TMEM9: variants seen among roughly 807,000 people sequenced by gnomAD.
TMEM9 encodes the protein transmembrane protein 9.
TMEM9 carries 13 observed loss-of-function variants against 22.8 expected under a neutral mutation model. The ratio of observed to expected loss-of-function variants is 0.57; its 90% confidence interval spans 0.37 to 0.91. The LOEUF (loss-of-function observed/expected upper bound fraction) is 0.91, where lower values mean the gene tolerates loss of function less well. Ranked by LOEUF, TMEM9 falls within the 40% of genes least tolerant of loss-of-function variation. The probability of loss-of-function intolerance (pLI) is 0.01; values close to 1 mark genes in which losing one functional copy is unlikely to be tolerated. For synonymous variants in TMEM9, 88 were observed against 93.0 expected (o/e 0.95, Z 0.31); for missense variants, 182 against 238.1 (o/e 0.76, Z 1.55).
intron 1 of TMEM9, among the ~76,000 whole-genome samples, chr1:201,162,966 G>A (rs1175341487): frequency 2.6e-5 from 4 of 152,114 alleles, no homozygotes; most frequent in South Asian, 2.1e-4. Context: ...AAGATTCAAC[G>A]TCACAGCCAT....
intron 2 of TMEM9, among the ~76,000 whole-genome samples, chr1:201,149,509 C>G (rs1665251637): frequency 6.6e-6 from 1 of 152,214 alleles, no homozygotes; most frequent in Non-Finnish European, 1.5e-5. Context: ...AATAACACAT[C>G]TCCTTGCCGG....
rs543733854 is a variant in TMEM9 at position 201,164,418 on chromosome 1, G to C, written c.-37+7072C>G. ...CTGCAAATCTACGACTGTCTCAAAAGTTAATTTTTTAAAAGCCTACCTGAA... is the reference window on the plus strand; with the variant it reads ...CTGCAAATCTACGACTGTCTCAAAACTTAATTTTTTAAAAGCCTACCTGAA... On this transcript the variant is annotated intron_variant, in intron 1 of 5. Transcript: ENST00000367333. 2.6e-5 allele frequency among the ~76,000 whole-genome samples: 4 copies of C among 152,232 alleles called. No homozygotes were observed. The East Asian group carries it at 5.8e-4, about 22-fold the overall frequency.
At chr1:201,170,763 A>T (rs1227291585) in intron 1 of TMEM9, among the ~76,000 whole-genome samples, 1 of 152,156 alleles carries the variant, frequency 6.6e-6, no homozygotes, top group African/African-American at 2.4e-5. Context: ...CCAAAGAGGG[A>T]TTCCTTTCAG....
intron 1 of TMEM9, among the ~76,000 whole-genome samples, chr1:201,168,967 CT>C (rs5780055): frequency 2.2e-4 from 28 of 128,560 alleles, no homozygotes; most frequent in African/African-American, 3.3e-4. Context: ...AATTATATTA[CT>C]TTTTTTTTTT....
rs957133531 is a variant in TMEM9 at position 201,154,006 on chromosome 1, G to T, written c.-83C>A. 2 of 1,497,064 alleles carry T rather than the reference G, an allele frequency of 1.3e-6. No homozygotes were observed. Among genetic ancestry groups the T allele is most frequent in the Admixed American group, 4.1e-5 (2 of 49,238 alleles). 92.7% of individuals were successfully genotyped at this position (1,497,064 alleles called of 1,614,324 possible). The stretch of plus-strand genomic sequence containing the variant: ...CGGAGAAGGGGAAGGTGGCCACACC[G>T]CAGCCAGCACGCTAGGCCCTTAACC... On this transcript the variant is annotated 5_prime_UTR_variant, in exon 1 of 5. Coordinates refer to ENST00000367330, the MANE Select transcript of TMEM9 (RefSeq NM_001288565.2).
chr1:201,159,950 T>C (rs1665901572), intron 1 of TMEM9, among the ~76,000 whole-genome samples: 1 of 152,126 alleles, frequency 6.6e-6, no homozygotes, highest in African/African-American at 2.4e-5. Context: ...TTCTGCTCCC[T>C]CTGTTGTATT....
At chr1:201,146,455 G>A (rs1390095466) in intron 3 of TMEM9, among the ~76,000 whole-genome samples, 2 of 152,142 alleles carry the variant, frequency 1.3e-5, no homozygotes, top group South Asian at 2.1e-4. Flanking sequence ...GGAGAGGAAC[G>A]AAATAAACTG....
intron 1 of TMEM9, among the ~76,000 whole-genome samples, chr1:201,159,575 CTTTT>C (rs35944174): frequency 1.5e-5 from 2 of 133,712 alleles, no homozygotes; most frequent in African/African-American, 2.8e-5. Flanking sequence ...GCAATTAAAC[CTTTT>C]TTTTTTTTTT....
At chr1:201,137,471 AACACACACACACACACACACACACACAC>A (rs144662228) in intron 4 of TMEM9, among the ~76,000 whole-genome samples, 44 of 146,562 alleles carry the variant, frequency 3.0e-4, no homozygotes, top group Non-Finnish European at 2.4e-4. Flanking sequence ...CAAATTATCT[AACACACACACACACACACACACACACAC>A]ACACACACAC....
intron 4 of TMEM9, among the ~76,000 whole-genome samples, chr1:201,141,377 A>G (rs1156972920): frequency 6.6e-6 from 1 of 152,218 alleles, no homozygotes; most frequent in East Asian, 1.9e-4. Context: ...TGAACCACAG[A>G]CATCTGTGAC....
chr1:201,153,215 C>T (rs1041925521), intron 1 of TMEM9, among the ~76,000 whole-genome samples: 4 of 152,092 alleles, frequency 2.6e-5, no homozygotes, highest in Non-Finnish European at 4.4e-5. Flanking sequence ...ATTTTTTTAC[C>T]GTTAAGAACT....
At chr1:201,164,247 C>T (rs1002354595) in intron 1 of TMEM9, among the ~76,000 whole-genome samples, 3 of 152,052 alleles carry the variant, frequency 2.0e-5, no homozygotes, top group African/African-American at 7.2e-5. Flanking sequence ...GTGGATATGA[C>T]TATAAAAGGC....
chr1:201,137,700 C>T (rs891022796), intron 4 of TMEM9, among the ~76,000 whole-genome samples: 1 of 152,132 alleles, frequency 6.6e-6, no homozygotes, highest in Non-Finnish European at 1.5e-5. Flanking sequence ...TTAAATAACA[C>T]ACATATAAAG....
Position 201,153,977 on chromosome 1 carries a change from G to T in TMEM9, c.-54C>A. On this transcript the variant is annotated 5_prime_UTR_variant, in exon 1 of 5. Coordinates refer to ENST00000367330, the MANE Select transcript of TMEM9 (RefSeq NM_001288565.2). ...CCGGACACCTGGAAAAAGAGATACG[G>T]AGTCGGAGAAGGGGAAGGTGGCCAC... is the stretch of plus-strand genomic sequence containing the variant. 6.4e-7 allele frequency: 1 copy of T among 1,566,134 alleles called. No individual in the cohort carries two copies. Among genetic ancestry groups the T allele is most frequent in the East Asian group, 2.3e-5 (1 of 44,098 alleles).
chr1:201,169,230 T>C (rs11807228), intron 1 of TMEM9, among the ~76,000 whole-genome samples: 2,136 of 152,290 alleles, frequency 0.014, 70 homozygotes, highest in African/African-American at 0.048. Context: ...AGGCTGAATC[T>C]AAGTTTCCCA....
intron 1 of TMEM9, among the ~76,000 whole-genome samples, chr1:201,166,001 T>C (rs1666064973): frequency 6.6e-6 from 1 of 152,136 alleles, no homozygotes; most frequent in Admixed American, 6.5e-5. Context: ...GACCGACTTA[T>C]CACCAGACCT....
chr1:201,142,232 C>T (rs764131510), intron 4 of TMEM9, among the ~76,000 whole-genome samples: 4 of 152,226 alleles, frequency 2.6e-5, no homozygotes, highest in Non-Finnish European at 5.9e-5. Flanking sequence ...CAGGCATGTG[C>T]GCAGGGTGGG....
chr1:201,151,970 G>A (rs1391562269), intron 1 of TMEM9, 118 bp from the exon 2 acceptor site: 4 of 716,620 alleles, frequency 5.6e-6, no homozygotes, highest in Non-Finnish European at 9.7e-6. Flanking sequence ...CCATATCTAT[G>A]CTCTTGAGCT....
At chr1:201,142,174 C>T (rs1172709920) in intron 4 of TMEM9, among the ~76,000 whole-genome samples, 2 of 152,258 alleles carry the variant, frequency 1.3e-5, no homozygotes, top group African/African-American at 2.4e-5. Context: ...GCTCCACCTT[C>T]GGCCAAACTC....
Sources: allele counts gnomAD v4.1 joint callset (sites outside exome capture counted in the v4.1 genomes callset), GRCh38; gene constraint gnomAD v4.1.1; transcripts MANE v1.5; gene names NCBI Gene and HGNC (gene_info 2026-07-23, HGNC 2026-07-21).